Variants in PITPNM1 observed in about 807,000 individuals in gnomAD.
The protein encoded by PITPNM1 is phosphatidylinositol transfer protein membrane associated 1, also known as membrane-associated phosphatidylinositol transfer protein 1.
In PITPNM1, 74 loss-of-function variants were observed where a neutral mutation model predicts 133.3. The observed-to-expected ratio is 0.56, with a 90% CI of 0.46 to 0.67. The LOEUF (loss-of-function observed/expected upper bound fraction) is 0.67, where lower values mean the gene tolerates loss of function less well. PITPNM1 is among the 30% of genes least tolerant of loss of function. PITPNM1 has a pLI of 0.00. For missense variants in PITPNM1, 1,398 were observed against 1,739.5 expected (o/e 0.80, Z 3.49); for synonymous variants, 738 against 741.4 (o/e 1.00, Z 0.08).
Position 67,496,191 on chromosome 11 carries a change from T to C in PITPNM1, c.2304A>G (p.Ser768=). The C allele has an allele frequency of 6.5e-7, 1 of 1,536,944 alleles. No individual in the cohort carries two copies. Among genetic ancestry groups the C allele is most frequent in the Non-Finnish European group, 8.7e-7 (1 of 1,147,354 alleles). ...TTGGGGGCGTACCCAGCAGCAGGGATGAGCCATCTCCCAGGGGGAACTTCT... is the reference window on the plus strand; with the variant it reads ...TTGGGGGCGTACCCAGCAGCAGGGACGAGCCATCTCCCAGGGGGAACTTCT... ...RYQKFPLGDG[S]SLLLADTLQT... The change falls in exon 15 of 24, where the codon TCA becomes TCG. Residue 768 remains serine, a synonymous_variant. Transcript: ENST00000356404.
In PITPNM1 at chr11:67,499,927, G is replaced by A. The variant is rs775010489; in HGVS notation, c.1050C>T (p.Phe350=). The A allele has an allele frequency of 4.3e-6, 7 of 1,612,090 alleles. No homozygotes were observed. The highest frequency in any genetic ancestry group is 4.2e-6 in the Non-Finnish European group (5 of 1,179,498). ...RDSENSSEEE[F]FDAHEGFSDS... is the part of the protein sequence containing the mutation. ...CTCAGTGCTGACCGTGGGCATCAAA[G>A]AACTCTTCCTCGGAGCTGTTCTCAG... is the stretch of plus-strand genomic sequence containing the variant. Residue 350 remains phenylalanine (F), a synonymous_variant, in exon 7 of 24, where the codon TTC becomes TTT. Transcript: ENST00000356404.
chr11:67,494,305 TG>T lies in PITPNM1; in HGVS notation c.2797del (p.Gln933ArgfsTer3). On this transcript the variant is annotated frameshift_variant, in exon 19 of 24. Transcript: ENST00000356404. LOFTEE classifies it high-confidence loss of function. ...GTACATGAAGCGCCCGCTTAGCACCTGGGGGCGGCCCTCGCACACCACCGTG... is the reference window on the plus strand; with the variant it reads ...GTACATGAAGCGCCCGCTTAGCACCTGGGGCGGCCCTCGCACACCACCGTG... The part of the protein sequence containing the change: ...SDTVVCEGRP[Q>X]VLSGRFMYGP... The T allele has an allele frequency of 6.2e-7, 1 of 1,611,924 alleles. No homozygotes were observed. Among genetic ancestry groups the T allele is most frequent in the Non-Finnish European group, 8.5e-7 (1 of 1,179,618 alleles).
At chr11:67,495,268 C>A (rs1866081077) in intron 16 of PITPNM1, 43 bp from the exon 17 acceptor site, 1 of 1,540,062 alleles carries the variant, frequency 6.5e-7, no homozygotes, top group South Asian at 1.2e-5. Context: ...TCCTGCCCCA[C>A]ACCCATCTGC....
At position 67,498,440 on chromosome 11, in the gene PITPNM1, C is replaced by T. The variant is rs568036484; in HGVS notation, c.1485-118G>A. The T allele has an allele frequency of 1.2e-5, 17 of 1,407,752 alleles. No individual in the cohort carries two copies. The highest frequency in any genetic ancestry group is 1.5e-5 in the Non-Finnish European group (16 of 1,050,162). The allele number at this position is 1,407,752 out of a possible 1,614,324, so 87.2% of individuals were successfully genotyped here. A position where few individuals can be genotyped will look rare whatever the true frequency, so the allele number is the denominator to read the frequency against. ...TGGGTCCTCTGTGGGGAGCGTTAGC[C>T]CCAAGAGGCAACTGAAATGGAGCCA... On this transcript the variant is annotated intron_variant, in intron 10 of 23. Coordinates refer to ENST00000356404, the MANE Select transcript of PITPNM1 (RefSeq NM_004910.3). This position sits in a 1 kb window ranked among gnomAD's most constrained non-coding sequence, Gnocchi z 5.7.
rs201727031 is a variant in PITPNM1 at position 67,493,080 on chromosome 11, A to C, written c.3343-18T>G. ...AGTTCTACCTGTGGCGGGAGATGCCAATCAGCCGCCCCAGGGGTGGAGCCG... is the reference window on the plus strand; with the variant it reads ...AGTTCTACCTGTGGCGGGAGATGCCCATCAGCCGCCCCAGGGGTGGAGCCG... On this transcript the variant is annotated intron_variant, in intron 22 of 23. Transcript: ENST00000356404. The C allele has an allele frequency of 3.7e-3, 5,982 of 1,612,538 alleles. 14 individuals carry two copies. The highest frequency in any genetic ancestry group is 4.4e-3 in the Non-Finnish European group (5,225 of 1,179,734).
chr11:67,493,009 G>A lies in PITPNM1; in HGVS notation c.3396C>T (p.Tyr1132=), dbSNP rs753198689. The A allele has an allele frequency of 6.8e-6, 11 of 1,612,976 alleles. No individual in the cohort carries two copies. The highest frequency in any genetic ancestry group is 9.3e-6 in the Non-Finnish European group (11 of 1,179,910). ...GYGSPKDVAV[Y]AALGLSPSQT... ...GGCTCGGGGACAGCCCCAGCGCCGC[G>A]TATACAGCCACATCTTTGGGAGACC... is the stretch of plus-strand genomic sequence containing the variant. The change falls in exon 23 of 24, where the codon TAC becomes TAT. Residue 1132 remains tyrosine (Y), a synonymous_variant. Coordinates refer to ENST00000356404, the MANE Select transcript of PITPNM1 (RefSeq NM_004910.3).
chr11:67,494,235 G>A lies in PITPNM1; in HGVS notation c.2859+9C>T, dbSNP rs201436415. The A allele has an allele frequency of 6.2e-7, 1 of 1,609,986 alleles. No homozygotes were observed. The highest frequency in any genetic ancestry group is 8.5e-7 in the Non-Finnish European group (1 of 1,177,416). On this transcript the variant is annotated intron_variant, in intron 19 of 23. Coordinates refer to ENST00000356404, the MANE Select transcript of PITPNM1 (RefSeq NM_004910.3). ...ATGGGACCAGGCGACAGGGCCTCTG[G>A]GTCCTGACCTTCTCTCCAGTGAGCG...
rs914287331 is a variant in PITPNM1, at chr11:67,504,586, C to T, written c.-41-365G>A. 1.3e-5 allele frequency: 2 copies of T among 152,186 alleles called. No homozygotes were observed. The highest frequency in any genetic ancestry group is 4.8e-5 in the African/African-American group (2 of 41,460). The allele number at this position is 152,186 out of a possible 1,614,324, so 9.4% of individuals were successfully genotyped here. ...ATCCCTCTGGGCGCGCCCCCGAAGC[C>T]CCGGGGCCCCTCCTTCCGGGCCCGC... On this transcript the variant is annotated intron_variant, in intron 1 of 23. Coordinates refer to ENST00000356404, the MANE Select transcript of PITPNM1 (RefSeq NM_004910.3). The surrounding 1 kb of genome is among the most constrained non-coding windows in gnomAD (Gnocchi z 5.4).
At position 67,500,611 on chromosome 11, in the gene PITPNM1, C is replaced by T. The variant is rs189350739; in HGVS notation, c.641-190G>A. ...GGGGCATTTGTCTTCCTGCCTGACT[C>T]CCCCCCGCCCACTGCCTTTCCTGTC... is the stretch of plus-strand genomic sequence containing the variant. On this transcript the variant is annotated intron_variant, in intron 5 of 23. Coordinates refer to ENST00000356404, the MANE Select transcript of PITPNM1 (RefSeq NM_004910.3). 4.8e-3 allele frequency among the ~76,000 whole-genome samples: 732 copies of T among 152,270 alleles called. 6 individuals are homozygous for T. Among genetic ancestry groups the T allele is most frequent in the African/African-American group, 0.017 (691 of 41,550 alleles).
chr11:67,493,962 C>T lies in PITPNM1; in HGVS notation c.2968G>A (p.Ala990Thr), dbSNP rs775170593. The change falls in exon 20 of 24, where the codon GCG (alanine) becomes ACG (threonine). Residue 990 changes from alanine to threonine, a missense_variant. By Grantham distance (58) the Ala-to-Thr change is moderately conservative. Transcript: ENST00000356404. Reference sequence around the variant, plus strand: ...ACGGGGTAGACACCAATGCCCAGCGCGCGTTCTGGGGGAACTGGGAAGGTG... The same window carrying T: ...ACGGGGTAGACACCAATGCCCAGCGTGCGTTCTGGGGGAACTGGGAAGGTG... Reference protein sequence around the residue: ...RLTFPVPPERALGIGVYPVRM... With the variant: ...RLTFPVPPERTLGIGVYPVRM... 30 of 1,609,276 alleles carry T rather than the reference C, an allele frequency of 1.9e-5. No individual in the cohort carries two copies. The highest frequency in any genetic ancestry group is 5.0e-5 in the Admixed American group (3 of 59,730).
At position 67,494,882 on chromosome 11, in the gene PITPNM1, C is replaced by T. The variant is rs1466982679; in HGVS notation, c.2706G>A (p.Glu902=). Residue 902 remains glutamate, a synonymous_variant, in exon 18 of 24, where the codon GAG becomes GAA. Coordinates refer to ENST00000356404, the MANE Select transcript of PITPNM1 (RefSeq NM_004910.3). ...CCTGCGTGCGTTTTCGCTGCCACTT[C>T]TCCCTGGGGAAGGCCGGGCTGTAGA... ...PSIYSPAFPR[E]KWQRKRTQVK... The T allele has an allele frequency of 3.1e-6, 5 of 1,612,882 alleles. No homozygotes were observed. In the African/African-American group the frequency reaches 5.3e-5, roughly 17 times the overall value.
At chr11:67,493,266 A>G in intron 22 of PITPNM1, 144 bp downstream of exon 22, 2 of 1,091,160 alleles carry the variant, frequency 1.8e-6, no homozygotes, top group Non-Finnish European at 2.6e-6. Flanking sequence ...AAACTAGGGG[A>G]GCAGGACCGT....
chr11:67,497,420 CG>C lies in PITPNM1; in HGVS notation c.1956del (p.Ala653GlnfsTer58). ...CGGGGCTCCCAGGAGGAGGTGGTTGCGGGGGCTGCCTGAAGGCTGTGGGGGA... is the reference window on the plus strand; with the variant it reads ...CGGGGCTCCCAGGAGGAGGTGGTTGCGGGGCTGCCTGAAGGCTGTGGGGGA... ...EGSQNSLQAAPATTSSWEPRR... is the reference protein window; with the variant it reads ...EGSQNSLQAAXATTSSWEPRR... On this transcript the variant is annotated frameshift_variant, in exon 14 of 24. Coordinates refer to ENST00000356404, the MANE Select transcript of PITPNM1 (RefSeq NM_004910.3). LOFTEE classifies it high-confidence loss of function. 6.3e-7 allele frequency: 1 copy of C among 1,586,702 alleles called. No homozygotes were observed. Among genetic ancestry groups the C allele is most frequent in the Non-Finnish European group, 8.6e-7 (1 of 1,164,328 alleles).
Position 67,495,418 on chromosome 11 carries a change from G to T in PITPNM1, c.2482+20C>A. On this transcript the variant is annotated intron_variant, in intron 16 of 23. Transcript: ENST00000356404. ...GCCTCCCCCACCCCCAGGCTGGACT[G>T]CCTAGGCTGGCTGACTTACTCTTAA... The T allele has an allele frequency of 6.7e-7, 1 of 1,485,954 alleles. No individual in the cohort carries two copies. Among genetic ancestry groups the T allele is most frequent in the Non-Finnish European group, 9.0e-7 (1 of 1,114,074 alleles). The allele number at this position is 1,485,954 out of a possible 1,614,324, so 92.0% of individuals were successfully genotyped here. A position where few individuals can be genotyped will look rare whatever the true frequency, so the allele number is the denominator to read the frequency against.
chr11:67,503,525 C>G (rs1392834600), intron 2 of PITPNM1, among the ~76,000 whole-genome samples: 1 of 152,178 alleles, frequency 6.6e-6, no homozygotes, highest in Non-Finnish European at 1.5e-5. Flanking sequence ...CTTTCAAGCC[C>G]GAGGCGGGGT....
In PITPNM1 at chr11:67,498,213, C is replaced by T. The variant is rs112955177; in HGVS notation, c.1594G>A (p.Val532Met). 3.7e-5 allele frequency: 59 copies of T among 1,612,754 alleles called. No individual in the cohort carries two copies. Among genetic ancestry groups the T allele is most frequent in the Admixed American group, 2.0e-4 (12 of 59,948 alleles). Reference protein sequence around the residue: ...ATSSSRYQGAVATVIARTNQA... With the variant: ...ATSSSRYQGAMATVIARTNQA... ...TTGGTGCGGGCAATGACGGTGGCCA[C>T]GGCGCCCTGGTAGCGGGAGGATGAG... is the stretch of plus-strand genomic sequence containing the variant. The change falls in exon 11 of 24, where the codon GTG (valine) becomes ATG (methionine). Residue 532 changes from valine (V) to methionine (M), a missense_variant. Transcript: ENST00000356404. The surrounding 1 kb of genome is among the most constrained non-coding windows in gnomAD (Gnocchi z 5.7).
intron 2 of PITPNM1, among the ~76,000 whole-genome samples, chr11:67,503,642 C>G (rs1415030076): frequency 6.6e-6 from 1 of 152,228 alleles, no homozygotes; most frequent in Admixed American, 6.5e-5. Context: ...AGGGCCTGCC[C>G]TGGCCCACTC....
upstream of PITPNM1, among the ~76,000 whole-genome samples, chr11:67,505,747 C>G (rs1355967110): frequency 6.6e-6 from 1 of 152,228 alleles, no homozygotes; most frequent in Non-Finnish European, 1.5e-5. The surrounding 1 kb of genome is among the most constrained non-coding windows in gnomAD (Gnocchi z 5.8). Context: ...TAGCCAGAAG[C>G]TGGTGGCTCT....
rs757516084 is a variant in PITPNM1 at position 67,504,835 on chromosome 11, TC to T, written c.-42+352del. The T allele has an allele frequency of 6.6e-6, 1 of 152,654 alleles. No homozygotes were observed. The highest frequency in any genetic ancestry group is 2.1e-4 in the South Asian group (1 of 4,850). The allele number at this position is 152,654 out of a possible 1,614,324, so 9.5% of individuals were successfully genotyped here. ...TCTCCTCCGCCCTCCAGATCTGCCT[TC>T]TTGGGCAGCCGGGTCCTCGACCTCC... On this transcript the variant is annotated intron_variant, in intron 1 of 23. Transcript: ENST00000356404. The surrounding 1 kb of genome is among the most constrained non-coding windows in gnomAD (Gnocchi z 5.4).
Sources: gnomAD v4.1 joint callset for allele counts (sites outside exome capture counted in the v4.1 genomes callset) on GRCh38, gnomAD v4.1.1 for gene constraint, Gnocchi (gnomAD v3.1) non-coding constraint, MANE v1.5 for transcripts, NCBI Gene and HGNC (gene_info 2026-07-23, HGNC 2026-07-21) for gene names.